SRCAP: variants seen among roughly 807,000 people sequenced by gnomAD.
SRCAP encodes chromatin remodeling protein SRCAP.
SRCAP carries 46 observed loss-of-function variants against 263.1 expected under a neutral mutation model. That is an observed-to-expected ratio of 0.17 (90% CI 0.14 to 0.22). The LOEUF (loss-of-function observed/expected upper bound fraction) is 0.22, where lower values mean the gene tolerates loss of function less well. SRCAP is among the 10% of genes least tolerant of loss of function. The probability of loss-of-function intolerance (pLI) is 1.00; values close to 1 mark genes in which losing one functional copy is unlikely to be tolerated. For synonymous variants in SRCAP, 1,813 were observed against 1,662.1 expected (o/e 1.09, Z -2.21); for missense variants, 3,695 against 4,181.9 (o/e 0.88, Z 3.21).
intron 19 of SRCAP, 57 bp downstream of exon 19, chr16:30,720,388 C>G (rs973756927): frequency 6.4e-7 from 1 of 1,571,382 alleles, no homozygotes; most frequent in Non-Finnish European, 8.7e-7. Flanking sequence ...GAAAGCTGCC[C>G]AGAGGGGCCT....
Position 30,722,673 on chromosome 16 carries a change from T to C in SRCAP, c.3817T>C (p.Ser1273Pro). Reference protein sequence around the residue: ...VAPTPGPTPVSVLPSSTPSTT... With the variant: ...VAPTPGPTPVPVLPSSTPSTT... ...CCCGACCCCTGGCCCTACCCCTGTC[T>C]CTGTGCTGCCTTCTTCGACCCCCAG... The change falls in exon 23 of 34, where the codon TCT (serine) becomes CCT (proline). Residue 1273 changes from serine (S) to proline (P), a missense_variant. Coordinates refer to ENST00000262518, the MANE Select transcript of SRCAP (RefSeq NM_006662.3). 1 of 1,613,870 alleles carries C rather than the reference T, an allele frequency of 6.2e-7. No individual in the cohort carries two copies. Among genetic ancestry groups the C allele is most frequent in the South Asian group, 1.1e-5 (1 of 91,072 alleles).
chr16:30,713,733 C>G (rs373496072), intron 16 of SRCAP, 22 bp downstream of exon 16: 1 of 1,610,502 alleles, frequency 6.2e-7, no homozygotes, highest in Admixed American at 1.7e-5. Context: ...AACAGTTTGT[C>G]AGGGTATTGG....
Position 30,734,016 on chromosome 16 carries a change from G to A in SRCAP, c.6609+8G>A, listed in dbSNP as rs1418760968. On this transcript the variant is annotated splice_region_variant and intron_variant, in intron 30 of 33. Coordinates refer to ENST00000262518, the MANE Select transcript of SRCAP (RefSeq NM_006662.3). Reference sequence around the variant, plus strand: ...ACAGCCTATTTCAAACAGGTACTAAGTAAGATCTTTTAGCCTATGCAGGAG... The same window carrying A: ...ACAGCCTATTTCAAACAGGTACTAAATAAGATCTTTTAGCCTATGCAGGAG... The A allele has an allele frequency of 6.3e-7, 1 of 1,595,330 alleles. No individual in the cohort carries two copies. Among genetic ancestry groups the A allele is most frequent in the South Asian group, 1.1e-5 (1 of 88,556 alleles).
chr16:30,721,007 C>T (rs59674151), intron 20 of SRCAP, 29 bp downstream of exon 20: 110 of 1,572,078 alleles, frequency 7.0e-5, no homozygotes, highest in Non-Finnish European at 9.1e-5. Context: ...AAGGATGATG[C>T]GTGGTGCTTC....
rs774808868 is a variant in SRCAP at position 30,710,087 on chromosome 16, CCTGAAGAAGGTG to C, written c.1103_1114del (p.Gly368_Glu371del). ...TCATGATAGTGACACCCGAGATGGG[CCTGAAGAAGGTG>C]CTGAAGAAGAGCCCCCTCAGGTGTT... is the stretch of plus-strand genomic sequence containing the variant. On this transcript the variant is annotated inframe_deletion, in exon 8 of 34. Coordinates refer to ENST00000262518, the MANE Select transcript of SRCAP (RefSeq NM_006662.3). The C allele has an allele frequency of 2.5e-6, 4 of 1,614,024 alleles. No homozygotes were observed. Among genetic ancestry groups the C allele is most frequent in the South Asian group, 1.1e-5 (1 of 91,066 alleles).
chr16:30,713,116 T>A (rs1037610878), intron 14 of SRCAP, 92 bp from the exon 15 acceptor site: 1 of 1,372,570 alleles, frequency 7.3e-7, no homozygotes, highest in African/African-American at 1.4e-5. Flanking sequence ...TCTTCCAACC[T>A]GATTACTGTC....
At chr16:30,732,397 G>C (rs2053122047) in intron 27 of SRCAP, among the ~76,000 whole-genome samples, 1 of 151,224 alleles carries the variant, frequency 6.6e-6, no homozygotes, top group African/African-American at 2.4e-5. Flanking sequence ...GTTGCCGTGA[G>C]CTGAGATTCC....
chr16:30,734,368 T>C, intron 30 of SRCAP, 128 bp from the exon 31 acceptor site: 1 of 1,374,394 alleles, frequency 7.3e-7, no homozygotes, highest in Non-Finnish European at 1.0e-6. Flanking sequence ...AGGACTGCTT[T>C]GGCCTTCACA....
At chr16:30,715,592 G>GTCT (rs1201755690) in intron 16 of SRCAP, among the ~76,000 whole-genome samples, 1 of 151,200 alleles carries the variant, frequency 6.6e-6, no homozygotes, top group African/African-American at 2.4e-5. Flanking sequence ...AAAACAGGAA[G>GTCT]TCTTCCTTAA....
intron 23 of SRCAP, 66 bp downstream of exon 23, chr16:30,722,814 A>T: frequency 6.4e-7 from 1 of 1,559,216 alleles, no homozygotes; most frequent in East Asian, 2.3e-5. Flanking sequence ...GCGCTGGGCT[A>T]CTGTCTGTCC....
At chr16:30,699,269 G>A (rs574906032) in intron 1 of SRCAP, 27 bp downstream of exon 1, 64 of 398,608 alleles carry the variant, frequency 1.6e-4, no homozygotes, top group Non-Finnish European at 2.6e-4. Flanking sequence ...GGAACGTGTG[G>A]CGGAGTAGGG....
Position 30,739,339 on chromosome 16 carries a change from G to A in SRCAP, c.9299G>A (p.Gly3100Glu), listed in dbSNP as rs1755111982. ...GATGACCTGGACTTAGCAGATAGCG[G>A]GCCAGGCGGGTTGGAATTGACACCA... is the stretch of plus-strand genomic sequence containing the variant. ...IQDDLDLADS[G>E]PGGLELTPPV... is the part of the protein sequence containing the mutation. The change falls in exon 34 of 34, where the codon GGG (glycine) becomes GAG (glutamate). Residue 3100 changes from glycine to glutamate, a missense_variant. Physicochemically the swap from Gly to Glu is moderately conservative, Grantham distance 98. Transcript: ENST00000262518. 6.2e-7 allele frequency: 1 copy of A among 1,614,046 alleles called. No homozygotes were observed. Among genetic ancestry groups the A allele is most frequent in the African/African-American group, 1.3e-5 (1 of 74,930 alleles).
intron 5 of SRCAP, 78 bp from the exon 6 acceptor site, chr16:30,707,494 G>GGCCTTGATTATTTTCTTT: frequency 6.2e-7 from 1 of 1,605,394 alleles, no homozygotes. Flanking sequence ...CAGATTTCTT[G>GGCCTTGATTATTTTCTTT]GCCTTGATTA....
Position 30,711,848 on chromosome 16 carries a change from C to G in SRCAP, c.1506C>G (p.Asp502Glu). ...CTTACCCTTTAGACTCTGTGGAGGA[C>G]CGGAGTGAGGATGAGGAAGATGAAC... The part of the protein sequence containing the change: ...DSSSQSDSVE[D>E]RSEDEEDEHS... Residue 502 changes from aspartate (D) to glutamate (E), a missense_variant, in exon 12 of 34, where the codon GAC becomes GAG. Transcript: ENST00000262518. The G allele has an allele frequency of 6.2e-7, 1 of 1,613,512 alleles. No homozygotes were observed.
chr16:30,729,099 C>T lies in SRCAP; in HGVS notation c.5792C>T (p.Pro1931Leu). The stretch of plus-strand genomic sequence containing the variant: ...CTGGATTTCTGTACCCTGCCCCAAC[C>T]TGTTGCCAGCCCCATCGGCCCTCGT... ...EVLDFCTLPQ[P>L]VASPIGPRSP... is the part of the protein sequence containing the mutation. Residue 1931 changes from proline to leucine, a missense_variant, in exon 26 of 34, where the codon CCT becomes CTT. Pro to Leu is a moderately conservative substitution (Grantham distance 98). This residue lies in a region of SRCAP where 1,347 missense variants were observed against 1,304.4 expected (regional missense o/e 1.03). Transcript: ENST00000262518. The T allele has an allele frequency of 1.9e-6, 3 of 1,614,214 alleles. No homozygotes were observed. Among genetic ancestry groups the T allele is most frequent in the Non-Finnish European group, 2.5e-6 (3 of 1,180,042 alleles).
chr16:30,732,215 G>T (rs1318200600), intron 27 of SRCAP, among the ~76,000 whole-genome samples: 2 of 152,134 alleles, frequency 1.3e-5, no homozygotes, highest in Non-Finnish European at 2.9e-5. Context: ...ACTTTGGGAG[G>T]CTGAGGCAGG....
intron 25 of SRCAP, chr16:30,725,610 TCC>T (rs1381882268): frequency 6.5e-6 from 1 of 153,550 alleles, no homozygotes; most frequent in Non-Finnish European, 1.4e-5. Context: ...TGCCATTGAC[TCC>T]ACCTTTGGTT....
chr16:30,718,622 C>A (rs2052977977), intron 18 of SRCAP, among the ~76,000 whole-genome samples: 1 of 151,984 alleles, frequency 6.6e-6, no homozygotes, highest in Non-Finnish European at 1.5e-5. Flanking sequence ...CAGGTGTGTG[C>A]CACCACTCCC....
In SRCAP at chr16:30,739,615, G is replaced by T; in HGVS notation, c.9575G>T (p.Gly3192Val). 6.3e-7 allele frequency: 1 copy of T among 1,590,596 alleles called. No individual in the cohort carries two copies. ...EGDGTPRRRP[G>V]PRRLVGTTNQ... ...GATGGGACCCCACGCCGACGTCCTG[G>T]CCCCCGCCGGCTTGTTGGGACCACC... is the stretch of plus-strand genomic sequence containing the variant. Residue 3192 changes from glycine (G) to valine (V), a missense_variant, in exon 34 of 34, where the codon GGC (glycine) becomes GTC (valine). Transcript: ENST00000262518.
Sources: allele counts gnomAD v4.1 joint callset (sites outside exome capture counted in the v4.1 genomes callset), GRCh38; gene constraint gnomAD v4.1.1; regional missense constraint gnomAD v4.1.1; transcripts MANE v1.5; gene names NCBI Gene and HGNC (gene_info 2026-07-23, HGNC 2026-07-21).